Variants in ATP11B observed in about 807,000 individuals in gnomAD.
The protein encoded by ATP11B is ATPase phospholipid transporting 11B (putative), also known as phospholipid-transporting ATPase IF.
In ATP11B, 81 loss-of-function variants were observed where a neutral mutation model predicts 157.8. The observed-to-expected ratio is 0.51, with a 90% confidence interval of 0.43 to 0.62. The LOEUF is 0.62. Among genes scored for constraint, ATP11B ranks in the 20% least tolerant of loss-of-function variants. The pLI, the probability that ATP11B is intolerant of heterozygous loss-of-function variation, is 0.00. For synonymous variants in ATP11B, 451 were observed against 469.4 expected, an observed-to-expected ratio of 0.96 and a Z score of 0.51; for missense variants, 1,165 against 1,402.2, an observed-to-expected ratio of 0.83 and a Z score of 2.70.
intron 9 of ATP11B, among the ~76,000 whole-genome samples, chr3:182,845,963 A>G (rs527495142): frequency 6.6e-6 from 1 of 152,348 alleles, no homozygotes; most frequent in East Asian, 1.9e-4. Context: ...TACTATTGGA[A>G]CATACACTGA....
chr3:182,914,517 T>A, intron 29 of ATP11B: 1 of 985,424 alleles, frequency 1.0e-6, no homozygotes, highest in Non-Finnish European at 1.2e-6. Context: ...CCTCTTCTTA[T>A]GTCTGTAATG....
intron 28 of ATP11B, among the ~76,000 whole-genome samples, chr3:182,909,318 G>T (rs1724599528): frequency 6.6e-6 from 1 of 152,164 alleles, no homozygotes; most frequent in African/African-American, 2.4e-5. Flanking sequence ...TAGTTGTTTT[G>T]CTTGACAGCC....
intron 28 of ATP11B, among the ~76,000 whole-genome samples, chr3:182,906,650 C>T (rs1468241710): frequency 6.6e-6 from 1 of 152,052 alleles, no homozygotes. Flanking sequence ...TGGGTCTCGC[C>T]GTGTTGCACA....
At chr3:182,882,453 T>G (rs1722490262) in intron 21 of ATP11B, among the ~76,000 whole-genome samples, 1 of 151,264 alleles carries the variant, frequency 6.6e-6, no homozygotes, top group African/African-American at 2.4e-5. Context: ...TTCAAATAAG[T>G]AGGAAAACAA....
chr3:182,834,610 G>A lies in ATP11B; in HGVS notation c.316-1425G>A, dbSNP rs977303125. ...TGATTCCATTATCTATACTTGTGCC[G>A]TATCTCTGAGTTCTTGAATTTTCTT... On this transcript the variant is annotated intron_variant, in intron 4 of 29. Coordinates refer to ENST00000323116, the MANE Select transcript of ATP11B (RefSeq NM_014616.3). Among the ~76,000 whole-genome samples the A allele has an allele frequency of 8.5e-5, 13 of 152,130 alleles. No homozygotes were observed. In the East Asian group the frequency reaches 9.6e-4, roughly 11 times the overall value.
chr3:182,861,717 A>G (rs1425956152), intron 12 of ATP11B, among the ~76,000 whole-genome samples: 3 of 152,230 alleles, frequency 2.0e-5, no homozygotes, highest in Non-Finnish European at 4.4e-5. Context: ...TGTGTTTTCA[A>G]GACAGTGTTA....
intron 1 of ATP11B, among the ~76,000 whole-genome samples, chr3:182,803,720 G>A (rs1716151842): frequency 6.6e-6 from 1 of 152,156 alleles, no homozygotes; most frequent in African/African-American, 2.4e-5. Flanking sequence ...AGAAAGTTGT[G>A]TCAATGCTGT....
chr3:182,797,046 G>A (rs1715654655), intron 1 of ATP11B, among the ~76,000 whole-genome samples: 1 of 152,162 alleles, frequency 6.6e-6, no homozygotes, highest in Admixed American at 6.5e-5. Context: ...CACACTCACC[G>A]AACTTGCTTA....
intron 19 of ATP11B, among the ~76,000 whole-genome samples, chr3:182,878,714 C>T (rs1043106541): frequency 2.6e-5 from 4 of 152,150 alleles, no homozygotes; most frequent in Non-Finnish European, 5.9e-5. Context: ...CATTACAATC[C>T]ATCATCGGTT....
chr3:182,904,142 A>G (rs938038553), intron 28 of ATP11B, among the ~76,000 whole-genome samples: 2 of 152,248 alleles, frequency 1.3e-5, no homozygotes, highest in Admixed American at 6.5e-5. Context: ...AGAGAGCGGC[A>G]GACCTGAATG....
In ATP11B at chr3:182,820,898, A is replaced by G. The variant is rs191226321; in HGVS notation, c.144+522A>G. ...GTTGCTAGTAAACTAAGGAACTAAT[A>G]TTTATGCTATGTACCAGAAACTATA... On this transcript the variant is annotated intron_variant, in intron 2 of 29. Transcript: ENST00000323116. Among the ~76,000 whole-genome samples, 7 of 152,330 alleles carry G rather than the reference A, an allele frequency of 4.6e-5. No individual in the cohort carries two copies. The East Asian group carries it at 1.3e-3, about 29-fold the overall frequency.
At chr3:182,811,933 T>A (rs1184293144) in intron 1 of ATP11B, among the ~76,000 whole-genome samples, 1 of 152,214 alleles carries the variant, frequency 6.6e-6, no homozygotes, top group Non-Finnish European at 1.5e-5. Flanking sequence ...CTGTTATTTA[T>A]TTAGTAATGG....
At chr3:182,898,476 A>C in intron 27 of ATP11B, 131 bp from the exon 28 acceptor site, 1 of 581,834 alleles carries the variant, frequency 1.7e-6, no homozygotes, top group Non-Finnish European at 2.8e-6. Context: ...CAGTTAATTA[A>C]ATTATACTGA....
chr3:182,830,343 A>G (rs1053593906), intron 4 of ATP11B, among the ~76,000 whole-genome samples: 2 of 151,702 alleles, frequency 1.3e-5, no homozygotes, highest in African/African-American at 2.4e-5. Flanking sequence ...AAAAAAATGT[A>G]TAGTCCTTTT....
At chr3:182,905,078 T>C (rs1724249864) in intron 28 of ATP11B, among the ~76,000 whole-genome samples, 1 of 152,168 alleles carries the variant, frequency 6.6e-6, no homozygotes, top group Admixed American at 6.5e-5. Flanking sequence ...TTTTTGTTTA[T>C]GTCAGAAATT....
At position 182,896,689 on chromosome 3, in the gene ATP11B, T is replaced by C. The variant is rs369654920; in HGVS notation, c.2983-11T>C. 50 of 1,605,616 alleles carry C rather than the reference T, an allele frequency of 3.1e-5. No individual in the cohort carries two copies. The highest frequency in any genetic ancestry group is 3.9e-5 in the Non-Finnish European group (46 of 1,172,712). On this transcript the variant is annotated splice_polypyrimidine_tract_variant and intron_variant, in intron 25 of 29. Transcript: ENST00000323116. Reference sequence around the variant, plus strand: ...TAACACGTAATGTAATAGTGTATTCTTTCTGTTTAGATGTTTGGAAACTGG... The same window carrying C: ...TAACACGTAATGTAATAGTGTATTCCTTCTGTTTAGATGTTTGGAAACTGG...
intron 7 of ATP11B, among the ~76,000 whole-genome samples, chr3:182,838,515 A>G (rs1032318656): frequency 6.6e-6 from 1 of 152,116 alleles, no homozygotes; most frequent in Admixed American, 6.6e-5. Flanking sequence ...TGTTTTAAAT[A>G]TAAGTAAAAT....
intron 1 of ATP11B, among the ~76,000 whole-genome samples, chr3:182,813,016 G>A (rs1370354669): frequency 6.6e-6 from 1 of 152,042 alleles, no homozygotes; most frequent in Non-Finnish European, 1.5e-5. Context: ...TGTCCTTAAG[G>A]TTGATCCATA....
chr3:182,817,207 G>A (rs1576963587), intron 1 of ATP11B, among the ~76,000 whole-genome samples: 2 of 151,764 alleles, frequency 1.3e-5, no homozygotes, highest in East Asian at 1.9e-4. Context: ...ATTTTTAATT[G>A]GAATATAGAA....
Sources: gnomAD v4.1 joint callset for allele counts (sites outside exome capture counted in the v4.1 genomes callset) on GRCh38, gnomAD v4.1.1 for gene constraint, MANE v1.5 for transcripts, NCBI Gene and HGNC (gene_info 2026-07-23, HGNC 2026-07-21) for gene names.